PASD1: variants seen among roughly 807,000 people sequenced by gnomAD.
PASD1 encodes the protein circadian clock protein PASD1.
PASD1 carries 13 observed loss-of-function variants against 58.8 expected under a neutral mutation model. That is an observed-to-expected ratio of 0.22 (90% CI 0.14 to 0.35). PASD1 has a LOEUF of 0.35. Among genes scored for constraint, PASD1 ranks in the 10% least tolerant of loss-of-function variants. PASD1 has a pLI of 1.00. For missense variants in PASD1, 734 were observed against 568.3 expected, an observed-to-expected ratio of 1.29 and a Z score of -2.96; for synonymous variants, 236 against 216.7, an observed-to-expected ratio of 1.09 and a Z score of -0.78.
chrX:151,614,362 T>C (rs969196551), intron 4 of PASD1, among the ~76,000 whole-genome samples: 1 of 111,476 alleles, frequency 9.0e-6, no homozygotes, highest in South Asian at 3.9e-4. Flanking sequence ...TACCATCACA[T>C]TGACAGCTAG....
intron 8 of PASD1, among the ~76,000 whole-genome samples, chrX:151,635,154 G>T (rs1345078006): frequency 9.0e-6 from 1 of 111,410 alleles, no homozygotes; most frequent in Non-Finnish European, 1.9e-5. Context: ...AATGTGCCCT[G>T]TCATTCTTTG....
chrX:151,611,607 A>T, intron 3 of PASD1, 57 bp from the exon 4 acceptor site: 1 of 868,776 alleles, frequency 1.2e-6, no homozygotes, highest in African/African-American at 2.0e-5. Context: ...TAGCAATAAA[A>T]CTATCATTTT....
At chrX:151,565,162 G>T (rs1006741407) in intron 1 of PASD1, among the ~76,000 whole-genome samples, 3 of 112,031 alleles carry the variant, frequency 2.7e-5, no homozygotes, top group Non-Finnish European at 5.6e-5. Flanking sequence ...AGTAAGTTAA[G>T]CTGTATCTAA....
chrX:151,649,713 G>A (rs1186142021), intron 9 of PASD1, among the ~76,000 whole-genome samples: 2 of 111,709 alleles, frequency 1.8e-5, no homozygotes, highest in Non-Finnish European at 3.8e-5. Context: ...CTATGTTAAA[G>A]CACTCTGTTA....
intron 9 of PASD1, among the ~76,000 whole-genome samples, chrX:151,656,235 C>A (rs2014239539): frequency 9.0e-6 from 1 of 111,712 alleles, no homozygotes; most frequent in African/African-American, 3.3e-5. Flanking sequence ...GGTACCAGTA[C>A]CATGCTGTTT....
At chrX:151,587,437 G>A (rs2013182782) in intron 1 of PASD1, among the ~76,000 whole-genome samples, 1 of 111,361 alleles carries the variant, frequency 9.0e-6, no homozygotes, top group South Asian at 3.8e-4. Context: ...TGACAAAATT[G>A]GCCTGACCCT....
chrX:151,575,648 AT>A lies in PASD1; in HGVS notation c.-28+11819del, dbSNP rs767860378. On this transcript the variant is annotated intron_variant, in intron 1 of 15. Coordinates refer to ENST00000370357, the MANE Select transcript of PASD1 (RefSeq NM_173493.3). The stretch of plus-strand genomic sequence containing the variant: ...GGGAAAATCTAAGTAATGAGCTGGA[AT>A]TTTTTTTTTCTTTTTTGAGACGAGG... Among the ~76,000 whole-genome samples the A allele has an allele frequency of 6.8e-3, 725 of 106,700 alleles. 8 individuals carry two copies. The highest frequency in any genetic ancestry group is 0.023 in the African/African-American group (669 of 29,418). 92.7% of individuals were successfully genotyped at this position (106,700 alleles called of 115,157 possible). A position where few individuals can be genotyped will look rare whatever the true frequency, so the allele number is the denominator to read the frequency against.
At chrX:151,652,937 G>T (rs2124299409) in intron 9 of PASD1, among the ~76,000 whole-genome samples, 1 of 110,791 alleles carries the variant, frequency 9.0e-6, no homozygotes. Context: ...CTTTAACTCT[G>T]AATGAAATGG....
intron 1 of PASD1, among the ~76,000 whole-genome samples, chrX:151,581,714 A>T (rs1202718995): frequency 9.0e-6 from 1 of 111,039 alleles, no homozygotes; most frequent in African/African-American, 3.3e-5. Flanking sequence ...TTGGAGAGGA[A>T]CCCATATTAG....
At chrX:151,651,222 A>G (rs1346015133) in intron 9 of PASD1, among the ~76,000 whole-genome samples, 1 of 111,642 alleles carries the variant, frequency 9.0e-6, no homozygotes, top group African/African-American at 3.3e-5. Context: ...TATGGTTTGG[A>G]TCTCCTTTTT....
At chrX:151,591,982 C>T (rs2013257550) in intron 1 of PASD1, among the ~76,000 whole-genome samples, 1 of 111,884 alleles carries the variant, frequency 8.9e-6, no homozygotes, top group South Asian at 3.7e-4. Flanking sequence ...AATCAAATTT[C>T]AGTTTATGTT....
intron 1 of PASD1, among the ~76,000 whole-genome samples, chrX:151,572,409 A>G (rs1473652806): frequency 9.0e-6 from 1 of 111,712 alleles, no homozygotes; most frequent in Non-Finnish European, 1.9e-5. Context: ...GAAGCCAGAA[A>G]TGTAGAACCC....
Position 151,672,297 on chromosome X carries a change from A to G in PASD1, c.1552A>G (p.Lys518Glu), listed in dbSNP as rs1391984864. 6 of 1,167,167 alleles carry G rather than the reference A, an allele frequency of 5.1e-6. No individual in the cohort carries two copies. The highest frequency in any genetic ancestry group is 2.6e-5 in the Admixed American group (1 of 38,652). Residue 518 changes from lysine to glutamate, a missense_variant, in exon 14 of 16, where the codon AAG (lysine) becomes GAG (glutamate). Coordinates refer to ENST00000370357, the MANE Select transcript of PASD1 (RefSeq NM_173493.3). ...GCAGAAGCAGAAGAAGATGCAGGAG[A>G]AGAAGAAGCTGCAGGAGCAGAAAAT... ...KVQKQKKMQE[K>E]KKLQEQKMQE...
intron 1 of PASD1, among the ~76,000 whole-genome samples, chrX:151,576,235 G>A (rs2013004307): frequency 9.0e-6 from 1 of 110,777 alleles, no homozygotes; most frequent in Admixed American, 9.7e-5. Flanking sequence ...TGAACTCCTG[G>A]GCTCAAGCGA....
chrX:151,672,621 CAAGATGAAAACTGTGGGCAACAGG>C lies in PASD1; in HGVS notation c.1884_1907del (p.Asn629_Glu636del), dbSNP rs1197847001. On this transcript the variant is annotated inframe_deletion, in exon 14 of 16. Coordinates refer to ENST00000370357, the MANE Select transcript of PASD1 (RefSeq NM_173493.3). Reference sequence around the variant, plus strand: ...TGAACAACAGCCCTCTGGCTTCTATCAAGATGAAAACTGTGGGCAACAGGAAGATGAGAGTCAAAGGTAAGACAT... The same window carrying C: ...TGAACAACAGCCCTCTGGCTTCTATCAAGATGAGAGTCAAAGGTAAGACAT... 2.6e-5 allele frequency: 31 copies of C among 1,210,448 alleles called. No individual in the cohort carries two copies. Among genetic ancestry groups the C allele is most frequent in the Non-Finnish European group, 3.4e-5 (30 of 895,326 alleles).
At chrX:151,584,133 A>G (rs1186779145) in intron 1 of PASD1, among the ~76,000 whole-genome samples, 1 of 111,199 alleles carries the variant, frequency 9.0e-6, no homozygotes, top group East Asian at 2.8e-4. Context: ...ACAGTAGACC[A>G]CTCTCATTGG....
At chrX:151,619,156 A>G (rs986950162) in intron 4 of PASD1, among the ~76,000 whole-genome samples, 2 of 111,075 alleles carry the variant, frequency 1.8e-5, no homozygotes, top group Non-Finnish European at 3.8e-5. Flanking sequence ...CTGAGCCTGT[A>G]TGTGTTTTGA....
intron 1 of PASD1, among the ~76,000 whole-genome samples, chrX:151,590,932 G>C (rs776694650): frequency 8.9e-6 from 1 of 111,984 alleles, no homozygotes; most frequent in African/African-American, 3.2e-5. Context: ...TGAAATATTT[G>C]TTCTGGGAGA....
intron 1 of PASD1, among the ~76,000 whole-genome samples, chrX:151,586,768 G>A (rs901639658): frequency 2.7e-5 from 3 of 111,176 alleles, no homozygotes; most frequent in African/African-American, 9.8e-5. Flanking sequence ...GTAAATGTCC[G>A]GGGCATCCCT....
Sources: allele counts gnomAD v4.1 joint callset (sites outside exome capture counted in the v4.1 genomes callset), GRCh38; gene constraint gnomAD v4.1.1; transcripts MANE v1.5; gene names NCBI Gene and HGNC (gene_info 2026-07-23, HGNC 2026-07-21).